Variants in SYTL2 observed in about 807,000 individuals in gnomAD.
The protein encoded by SYTL2 is synaptotagmin-like protein 2.
A neutral mutation model predicts 198.7 loss-of-function variants in SYTL2; 165 were observed. That is an observed-to-expected ratio of 0.83 (90% CI 0.73 to 0.94). The LOEUF (loss-of-function observed/expected upper bound fraction) is 0.94. Among genes scored for constraint, SYTL2 ranks in the 40% least tolerant of loss-of-function variants. The pLI is 0.00. For synonymous variants in SYTL2, 966 were observed against 917.7 expected, an observed-to-expected ratio of 1.05 and a Z score of -0.95; for missense variants, 2,835 against 2,582.8, an observed-to-expected ratio of 1.10 and a Z score of -2.12.
chr11:85,726,185 C>T lies in SYTL2; in HGVS notation c.3173G>A (p.Gly1058Asp). The change falls in exon 8 of 20, where the codon GGC (glycine) becomes GAC (aspartate). Residue 1058 changes from glycine (G) to aspartate (D), a missense_variant. By Grantham distance (94) the Gly-to-Asp change is moderately conservative (BLOSUM62 -1). This residue lies in a region of SYTL2 where 2,645 missense variants were observed against 2,381.7 expected (regional missense o/e 1.11). Coordinates refer to ENST00000359152, the MANE Select transcript of SYTL2 (RefSeq NM_206927.4). The part of the protein sequence containing the change: ...REEMEKLNSK[G>D]ILQVLPDEIT... ...TTCATCTGGTAGCACCTGGAGTATG[C>T]CCTTTGAATTTAATTTCTCCATTTC... The T allele has an allele frequency of 3.7e-6, 6 of 1,613,770 alleles. No homozygotes were observed. The highest frequency in any genetic ancestry group is 2.2e-5 in the East Asian group (1 of 44,868).
rs116026356 is a variant in SYTL2 at position 85,753,359 on chromosome 11, G to A, written c.101+4266C>T. Among the ~76,000 whole-genome samples the A allele has an allele frequency of 4.4e-3, 668 of 152,184 alleles. 5 individuals carry two copies. Among genetic ancestry groups the A allele is most frequent in the African/African-American group, 0.015 (631 of 41,508 alleles). ...GAGTTAGGGAAGCAGGCTGTGTAGC[G>A]ATACATGGTAATAACTGGGTCCAGT... is the stretch of plus-strand genomic sequence containing the variant. On this transcript the variant is annotated intron_variant, in intron 2 of 19. Coordinates refer to ENST00000359152, the MANE Select transcript of SYTL2 (RefSeq NM_206927.4).
In SYTL2 at chr11:85,757,664, CG is replaced by C. The variant is rs2091945290; in HGVS notation, c.61del (p.Arg21GlyfsTer5). On this transcript the variant is annotated frameshift_variant, in exon 2 of 20. Coordinates refer to ENST00000359152, the MANE Select transcript of SYTL2 (RefSeq NM_206927.4). LOFTEE classifies it high-confidence loss of function. ...TTCGGCCCTCTTCAGAGCAGCATCCCGCTGCAAAACCTTCATGATGGCCTCT... is the reference window on the plus strand; with the variant it reads ...TTCGGCCCTCTTCAGAGCAGCATCCCCTGCAAAACCTTCATGATGGCCTCT... ...EQEAIMKVLQ[R>X]DAALKRAEEE... The C allele has an allele frequency of 6.2e-7, 1 of 1,613,832 alleles. No individual in the cohort carries two copies. Among genetic ancestry groups the C allele is most frequent in the Non-Finnish European group, 8.5e-7 (1 of 1,179,918 alleles).
chr11:85,845,533 C>T, the SYTL2 span, among the ~76,000 whole-genome samples: 1 of 151,954 alleles, frequency 6.6e-6, no homozygotes, highest in Non-Finnish European at 1.5e-5. Context: ...GAGACTGAGG[C>T]GGGAGGATCA....
intron 6 of SYTL2, 114 bp downstream of exon 6, chr11:85,736,387 T>C: frequency 1.6e-6 from 1 of 607,862 alleles, no homozygotes; most frequent in Non-Finnish European, 2.8e-6. Context: ...AAGAAAACCA[T>C]CAGGACTTTT....
At chr11:85,828,226 G>A in the SYTL2 span, among the ~76,000 whole-genome samples, 2,329 of 152,188 alleles carry the variant, frequency 0.015, 46 homozygotes, top group African/African-American at 0.051. Flanking sequence ...GCAGAAAAAT[G>A]AACTAAATAA....
At chr11:85,783,127 T>A (rs1049970580) in intron 1 of SYTL2, among the ~76,000 whole-genome samples, 9 of 152,294 alleles carry the variant, frequency 5.9e-5, no homozygotes, top group African/African-American at 2.2e-4. Flanking sequence ...ACTGGGTAAC[T>A]TATAAAGGAA....
intron 12 of SYTL2, among the ~76,000 whole-genome samples, chr11:85,711,815 A>G (rs754076160): frequency 6.6e-6 from 1 of 152,082 alleles, no homozygotes; most frequent in Non-Finnish European, 1.5e-5. Flanking sequence ...TTCCTGTGTT[A>G]TTATGCTTAT....
At chr11:85,717,848 C>G in intron 10 of SYTL2, 1 of 395,400 alleles carries the variant, frequency 2.5e-6, no homozygotes. Context: ...CCTGCCCTCC[C>G]AGTGACTGAC....
At chr11:85,780,121 G>A (rs1313954208) in intron 1 of SYTL2, among the ~76,000 whole-genome samples, 1 of 152,180 alleles carries the variant, frequency 6.6e-6, no homozygotes, top group Non-Finnish European at 1.5e-5. Context: ...AATGAACTAT[G>A]GCCCTATACC....
At chr11:85,808,683 T>C (rs1447102721) in intron 1 of SYTL2, among the ~76,000 whole-genome samples, 1 of 152,196 alleles carries the variant, frequency 6.6e-6, no homozygotes, top group African/African-American at 2.4e-5. Context: ...AAAAACTTTA[T>C]ATTTTTAAAT....
Position 85,724,920 on chromosome 11 carries a change from C to T in SYTL2, c.4438G>A (p.Glu1480Lys). 2 of 1,614,152 alleles carry T rather than the reference C, an allele frequency of 1.2e-6. No homozygotes were observed. Among genetic ancestry groups the T allele is most frequent in the Non-Finnish European group, 8.5e-7 (1 of 1,180,006 alleles). ...ACAATTGTTTCCCTCACAATTTCTT[C>T]CACTTCCTGAGGGAGGCCTTTGCCA... is the stretch of plus-strand genomic sequence containing the variant. ...QYGKGLPQEVEEIVRETIVQP... is the reference protein window; with the variant it reads ...QYGKGLPQEVKEIVRETIVQP... Residue 1480 changes from glutamate (E) to lysine (K), a missense_variant, in exon 8 of 20, where the codon GAA (glutamate) becomes AAA (lysine). Glu to Lys is a moderately conservative substitution (Grantham distance 56, BLOSUM62 1). Coordinates refer to ENST00000359152, the MANE Select transcript of SYTL2 (RefSeq NM_206927.4).
At chr11:85,711,069 C>T (rs373757838) in intron 13 of SYTL2, 44 bp downstream of exon 13, 1 of 1,602,856 alleles carries the variant, frequency 6.2e-7, no homozygotes, top group African/African-American at 1.3e-5. Flanking sequence ...GAGCAAGGTT[C>T]AGAGACGCGG....
chr11:85,704,423 C>T (rs2084813273), intron 16 of SYTL2, among the ~76,000 whole-genome samples: 1 of 152,036 alleles, frequency 6.6e-6, no homozygotes, highest in East Asian at 1.9e-4. Context: ...AAGACAAATT[C>T]ACAATTGTAA....
rs141971594 is a variant in SYTL2, at chr11:85,713,951, G to T, written c.5625+462C>A. ...ATAATGATGGTGCCTGCCTCCTAGG[G>T]TTGTTGAAGGATTAAATGATATATG... On this transcript the variant is annotated intron_variant, in intron 12 of 19. Coordinates refer to ENST00000359152, the MANE Select transcript of SYTL2 (RefSeq NM_206927.4). Among the ~76,000 whole-genome samples the T allele has an allele frequency of 1.6e-4, 25 of 152,202 alleles. No homozygotes were observed. The East Asian group carries it at 4.8e-3, about 29-fold the overall frequency.
chr11:85,734,382 T>C lies in SYTL2; in HGVS notation c.947A>G (p.His316Arg). 6.2e-7 allele frequency: 1 copy of C among 1,614,182 alleles called. No individual in the cohort carries two copies. Among genetic ancestry groups the C allele is most frequent in the Non-Finnish European group, 8.5e-7 (1 of 1,180,008 alleles). Residue 316 changes from histidine (H) to arginine (R), a missense_variant, in exon 7 of 20, where the codon CAT becomes CGT. By Grantham distance (29) the His-to-Arg change is conservative (BLOSUM62 0). Coordinates refer to ENST00000359152, the MANE Select transcript of SYTL2 (RefSeq NM_206927.4). ...TGGGGAAGAGTTGTCTTCTAAAGAA[T>C]GCTCCTTCTCAGAAATTCTCTCATG... ...TIHERISEKE[H>R]SLEDNSSPNS...
At chr11:85,842,842 C>T in the SYTL2 span, among the ~76,000 whole-genome samples, 1 of 152,300 alleles carries the variant, frequency 6.6e-6, no homozygotes, top group East Asian at 1.9e-4. Flanking sequence ...TCTCATCAGT[C>T]AACTCAGGAA....
the SYTL2 span, among the ~76,000 whole-genome samples, chr11:85,827,574 A>C: frequency 6.6e-6 from 1 of 151,990 alleles, no homozygotes; most frequent in Admixed American, 6.6e-5. Context: ...CAACTCCTCC[A>C]TATTCTATGG....
In SYTL2 at chr11:85,748,351, C is replaced by G; in HGVS notation, c.174G>C (p.Lys58Asn). The G allele has an allele frequency of 1.2e-6, 2 of 1,614,042 alleles. No individual in the cohort carries two copies. Among genetic ancestry groups the G allele is most frequent in the Non-Finnish European group, 1.7e-6 (2 of 1,179,948 alleles). Residue 58 changes from lysine to asparagine, a missense_variant, in exon 3 of 20, where the codon AAG (lysine) becomes AAC (asparagine). Physicochemically the swap from Lys to Asn is moderately conservative, Grantham distance 94. Around this residue, in one of 3 missense-constraint regions of SYTL2, gnomAD observed 2,645 missense variants for 2,381.7 expected, o/e 1.11. Coordinates refer to ENST00000359152, the MANE Select transcript of SYTL2 (RefSeq NM_206927.4). ...NMSGQWFYEA[K>N]AKRHRDKIHG... ...GGATTTTGTCCCTGTGCCTTTTTGCCTTGGCTTCATAAAACCATTGGCCAC... is the reference window on the plus strand; with the variant it reads ...GGATTTTGTCCCTGTGCCTTTTTGCGTTGGCTTCATAAAACCATTGGCCAC...
At chr11:85,833,001 A>AG in the SYTL2 span, among the ~76,000 whole-genome samples, 50 of 100,512 alleles carry the variant, frequency 5.0e-4, 4 homozygotes, top group African/African-American at 1.7e-3. Context: ...GTCTCAAAAA[A>AG]AAAAGAAAGA....
Sources: allele counts gnomAD v4.1 joint callset (sites outside exome capture counted in the v4.1 genomes callset), GRCh38; gene constraint gnomAD v4.1.1; regional missense constraint gnomAD v4.1.1; transcripts MANE v1.5; gene names NCBI Gene and HGNC (gene_info 2026-07-23, HGNC 2026-07-21).